The following RGS6 variants were observed in gnomAD, a reference collection of about 807,000 sequenced individuals.
RGS6 encodes regulator of G-protein signaling 6.
A neutral mutation model predicts 78.5 loss-of-function variants in RGS6; 30 were observed. The observed-to-expected ratio is 0.38, with a 90% CI of 0.29 to 0.52. The LOEUF is 0.52. Ranked by LOEUF, RGS6 falls within the 20% of genes least tolerant of loss-of-function variation. The pLI is 0.85. For synonymous variants in RGS6, 206 were observed against 206.0 expected (o/e 1.00, Z 0.00); for missense variants, 495 against 609.7 (o/e 0.81, Z 1.98).
chr14:72,629,764 A>G, the RGS6 span: 1 of 1,505,900 alleles, frequency 6.6e-7, no homozygotes, highest in Non-Finnish European at 8.9e-7. Context: ...CAACAGCATT[A>G]GGGCCAAAGT....
At chr14:72,134,319 A>G (rs1236973176) in intron 2 of RGS6, among the ~76,000 whole-genome samples, 30 of 152,106 alleles carry the variant, frequency 2.0e-4, no homozygotes. Context: ...TCTCTTTCAT[A>G]TGTGGTAGCC....
chr14:71,983,819 A>C (rs1357723051), intron 2 of RGS6, among the ~76,000 whole-genome samples: 1 of 152,368 alleles, frequency 6.6e-6, no homozygotes, highest in Middle Eastern at 3.4e-3. Flanking sequence ...CCCAGGGTTT[A>C]GGACTACAAA....
chr14:72,508,291 G>C (rs998699077), intron 13 of RGS6, among the ~76,000 whole-genome samples: 2 of 152,042 alleles, frequency 1.3e-5, no homozygotes, highest in Non-Finnish European at 2.9e-5. Context: ...GTTTGGATGC[G>C]GTATGTCTAG....
At chr14:71,933,888 C>G (rs1450524948) in intron 1 of RGS6, among the ~76,000 whole-genome samples, 1 of 152,028 alleles carries the variant, frequency 6.6e-6, no homozygotes, top group African/African-American at 2.4e-5. Flanking sequence ...TTGTAAGTAT[C>G]AAAATGGAGT....
chr14:72,067,835 T>C (rs1248894958), intron 2 of RGS6, among the ~76,000 whole-genome samples: 4 of 152,200 alleles, frequency 2.6e-5, no homozygotes, highest in Non-Finnish European at 1.5e-5. Flanking sequence ...CTGTAATATT[T>C]TGCCACCGTG....
the RGS6 span, among the ~76,000 whole-genome samples, chr14:71,914,699 T>G: frequency 6.6e-6 from 1 of 151,948 alleles, no homozygotes; most frequent in Non-Finnish European, 1.5e-5. Context: ...CGACCCCCAA[T>G]GTACAAGTAG....
chr14:72,414,127 T>C (rs1315301023), intron 3 of RGS6, among the ~76,000 whole-genome samples: 2 of 152,366 alleles, frequency 1.3e-5, no homozygotes, highest in Admixed American at 6.5e-5. Context: ...CCTTGCTAGA[T>C]TGGGGAAGTT....
intron 2 of RGS6, among the ~76,000 whole-genome samples, chr14:72,279,005 C>T (rs1184446028): frequency 6.6e-6 from 1 of 152,104 alleles, no homozygotes; most frequent in African/African-American, 2.4e-5. Context: ...TATAAGGACA[C>T]TCATCCTATC....
At chr14:72,471,304 A>G (rs2096071766) in intron 8 of RGS6, among the ~76,000 whole-genome samples, 1 of 152,176 alleles carries the variant, frequency 6.6e-6, no homozygotes, top group African/African-American at 2.4e-5. Flanking sequence ...CACCCCACAA[A>G]CATCGTTGTC....
chr14:72,118,794 G>C (rs924417308), intron 2 of RGS6, among the ~76,000 whole-genome samples: 1 of 152,176 alleles, frequency 6.6e-6, no homozygotes, highest in Non-Finnish European at 1.5e-5. Context: ...GCAGGAAAAT[G>C]TTACACTTTT....
the RGS6 span, among the ~76,000 whole-genome samples, chr14:71,885,438 A>C: frequency 1.3e-5 from 2 of 152,204 alleles, no homozygotes; most frequent in Non-Finnish European, 1.5e-5. Flanking sequence ...GGATTTGAAA[A>C]ATTAAAAGTA....
At chr14:72,258,633 C>T (rs759519852) in intron 2 of RGS6, among the ~76,000 whole-genome samples, 28 of 152,270 alleles carry the variant, frequency 1.8e-4, no homozygotes, top group South Asian at 8.3e-4. Context: ...TGGGTCTTCA[C>T]GCTTCTTGAT....
At chr14:72,515,050 G>A (rs576479574) in intron 14 of RGS6, among the ~76,000 whole-genome samples, 55 of 152,306 alleles carry the variant, frequency 3.6e-4, no homozygotes, top group African/African-American at 1.2e-3. Flanking sequence ...ACCAGTGATG[G>A]TAAACACATA....
At chr14:72,288,751 T>G (rs1804893196) in intron 2 of RGS6, among the ~76,000 whole-genome samples, 1 of 152,182 alleles carries the variant, frequency 6.6e-6, no homozygotes, top group Non-Finnish European at 1.5e-5. Flanking sequence ...CTAAGAAGCA[T>G]GAGGAAGATT....
intron 2 of RGS6, among the ~76,000 whole-genome samples, chr14:72,074,698 C>T (rs1171674296): frequency 6.6e-6 from 1 of 152,118 alleles, no homozygotes; most frequent in South Asian, 2.1e-4. Context: ...CAGCATCCCC[C>T]CACTTGTTTC....
At chr14:71,970,866 G>A (rs1484335936) in intron 2 of RGS6, among the ~76,000 whole-genome samples, 1 of 152,236 alleles carries the variant, frequency 6.6e-6, no homozygotes, top group East Asian at 1.9e-4. Flanking sequence ...CAGGAGAGGG[G>A]ATGATGATGT....
At chr14:72,441,334 C>T (rs2095191372) in intron 3 of RGS6, among the ~76,000 whole-genome samples, 1 of 152,224 alleles carries the variant, frequency 6.6e-6, no homozygotes, top group African/African-American at 2.4e-5. Context: ...TCTAAAATCT[C>T]TCCTCAGTCT....
At chr14:72,576,943 A>G in the RGS6 span, among the ~76,000 whole-genome samples, 1 of 152,232 alleles carries the variant, frequency 6.6e-6, no homozygotes, top group African/African-American at 2.4e-5. Flanking sequence ...TGGGCTTTGT[A>G]GAAGCATTTG....
intron 2 of RGS6, among the ~76,000 whole-genome samples, chr14:72,178,251 G>C (rs1324738368): frequency 3.9e-5 from 6 of 152,204 alleles, no homozygotes; most frequent in Non-Finnish European, 8.8e-5. Context: ...CATTGCCTAA[G>C]GCTGTGGCCA....
Sources: gnomAD v4.1 joint callset for allele counts (sites outside exome capture counted in the v4.1 genomes callset) on GRCh38, gnomAD v4.1.1 for gene constraint, MANE v1.5 for transcripts, NCBI Gene and HGNC (gene_info 2026-07-23, HGNC 2026-07-21) for gene names.